Variants in NTNG1 observed in about 807,000 individuals in gnomAD.
NTNG1 encodes the protein netrin-G1.
A neutral mutation model predicts 54.0 loss-of-function variants in NTNG1; 16 were observed. The observed-to-expected ratio is 0.30, with a 90% CI of 0.20 to 0.45. The LOEUF (loss-of-function observed/expected upper bound fraction) is 0.45, where lower values mean the gene tolerates loss of function less well. Ranked by LOEUF, NTNG1 falls within the 20% of genes least tolerant of loss-of-function variation. The pLI is 1.00. For missense variants in NTNG1, 530 were observed against 678.7 expected, an observed-to-expected ratio of 0.78 and a Z score of 2.43; for synonymous variants, 255 against 263.1, an observed-to-expected ratio of 0.97 and a Z score of 0.30.
intron 2 of NTNG1, among the ~76,000 whole-genome samples, chr1:107,271,704 C>G (rs1664154992): frequency 1.3e-5 from 2 of 151,970 alleles, no homozygotes; most frequent in African/African-American, 4.8e-5. Flanking sequence ...GTTGACTTTT[C>G]CAAATCTGGT....
At chr1:107,384,334 A>T (rs989001530) in intron 3 of NTNG1, among the ~76,000 whole-genome samples, 4 of 152,188 alleles carry the variant, frequency 2.6e-5, no homozygotes, top group Admixed American at 6.5e-5. Flanking sequence ...GGAATTTTAG[A>T]TAATTTTTTT....
At chr1:107,355,694 A>G (rs1419337816) in intron 3 of NTNG1, among the ~76,000 whole-genome samples, 1 of 152,184 alleles carries the variant, frequency 6.6e-6, no homozygotes, top group East Asian at 1.9e-4. Flanking sequence ...ATATAAACAG[A>G]CACACACTAA....
At chr1:107,454,061 T>G (rs1466879129) in intron 7 of NTNG1, among the ~76,000 whole-genome samples, 2 of 152,106 alleles carry the variant, frequency 1.3e-5, no homozygotes, top group Non-Finnish European at 2.9e-5. Flanking sequence ...GAACTTGCAG[T>G]GTTCTAATAT....
chr1:107,287,510 G>A (rs1400454056), intron 2 of NTNG1, among the ~76,000 whole-genome samples: 1 of 152,186 alleles, frequency 6.6e-6, no homozygotes, highest in Non-Finnish European at 1.5e-5. Flanking sequence ...CTACTCAGGA[G>A]ACTGAGGCGG....
Position 107,287,080 on chromosome 1 carries a change from T to G in NTNG1, c.247-37202T>G, listed in dbSNP as rs7547809. The stretch of plus-strand genomic sequence containing the variant: ...ATTTTGAAGGCTCATTTTTCTTTCA[T>G]ATGTAGTATACCTATTGATATAAAG... On this transcript the variant is annotated intron_variant, in intron 2 of 7. Coordinates refer to ENST00000370068, the MANE Select transcript of NTNG1 (RefSeq NM_001113226.3). Among the ~76,000 whole-genome samples the G allele has an allele frequency of 3.5e-4, 53 of 152,246 alleles. No homozygotes were observed. In the East Asian group the frequency reaches 9.7e-3, roughly 28 times the overall value.
At chr1:107,316,658 A>C (rs1667355470) in intron 2 of NTNG1, among the ~76,000 whole-genome samples, 1 of 152,162 alleles carries the variant, frequency 6.6e-6, no homozygotes, top group Admixed American at 6.5e-5. Context: ...GATGAAACTG[A>C]TGCTCCAGGA....
intron 3 of NTNG1, among the ~76,000 whole-genome samples, chr1:107,382,521 A>G (rs1332411090): frequency 1.3e-5 from 2 of 152,240 alleles, no homozygotes; most frequent in South Asian, 2.1e-4. Flanking sequence ...CATTGACTAT[A>G]ATTATGACAG....
chr1:107,426,298 T>C (rs567404898), intron 5 of NTNG1, among the ~76,000 whole-genome samples: 1 of 152,116 alleles, frequency 6.6e-6, no homozygotes, highest in Non-Finnish European at 1.5e-5. Flanking sequence ...ATTTCTATGG[T>C]TTCAGGTCTT....
intron 7 of NTNG1, among the ~76,000 whole-genome samples, chr1:107,468,013 A>G (rs1215906281): frequency 3.3e-5 from 5 of 152,272 alleles, no homozygotes; most frequent in African/African-American, 1.2e-4. Flanking sequence ...TCATCCTGAC[A>G]TTATAAAATC....
intron 5 of NTNG1, among the ~76,000 whole-genome samples, chr1:107,425,372 C>T (rs1674834850): frequency 6.6e-6 from 1 of 151,900 alleles, no homozygotes; most frequent in Non-Finnish European, 1.5e-5. Context: ...TCTATTTTTT[C>T]CATCTTTATG....
intron 3 of NTNG1, among the ~76,000 whole-genome samples, chr1:107,382,767 C>A (rs1262005288): frequency 4.5e-5 from 6 of 133,324 alleles, no homozygotes; most frequent in Non-Finnish European, 1.1e-4. Context: ...CCCTTTTCCT[C>A]TCTCTCTCTC....
intron 2 of NTNG1, among the ~76,000 whole-genome samples, chr1:107,201,783 T>C (rs1408490130): frequency 6.6e-6 from 1 of 151,892 alleles, no homozygotes; most frequent in African/African-American, 2.4e-5. Flanking sequence ...CACACAGATA[T>C]TTCTTCAGGC....
At chr1:107,280,115 A>T (rs1368985405) in intron 2 of NTNG1, among the ~76,000 whole-genome samples, 10 of 109,624 alleles carry the variant, frequency 9.1e-5, no homozygotes, top group African/African-American at 1.1e-4. Flanking sequence ...TAACTTTTTA[A>T]TTTATATCTC....
At chr1:107,149,637 T>G (rs536634292) in intron 2 of NTNG1, among the ~76,000 whole-genome samples, 45 of 152,120 alleles carry the variant, frequency 3.0e-4, no homozygotes, top group Non-Finnish European at 6.2e-4. Flanking sequence ...AAGGTAATAT[T>G]GGAGTAACAC....
intron 5 of NTNG1, among the ~76,000 whole-genome samples, chr1:107,411,625 C>A (rs1337236162): frequency 3.3e-5 from 5 of 151,984 alleles, no homozygotes; most frequent in Non-Finnish European, 7.4e-5. Context: ...CTTCTAAATC[C>A]CCCAAATAAA....
intron 2 of NTNG1, among the ~76,000 whole-genome samples, chr1:107,191,823 T>G (rs1297983070): frequency 4.7e-5 from 7 of 150,322 alleles, no homozygotes; most frequent in African/African-American, 1.7e-4. Flanking sequence ...CTGTTTTGGT[T>G]ACTGTAGCCT....
chr1:107,373,386 T>C (rs562659560), intron 3 of NTNG1, among the ~76,000 whole-genome samples: 1 of 152,170 alleles, frequency 6.6e-6, no homozygotes, highest in South Asian at 2.1e-4. Context: ...CTCTCAGACT[T>C]TATGATTTTG....
intron 2 of NTNG1, among the ~76,000 whole-genome samples, chr1:107,304,349 C>T (rs1477354176): frequency 1.3e-5 from 2 of 152,052 alleles, no homozygotes; most frequent in Non-Finnish European, 2.9e-5. Flanking sequence ...TATATAGTAA[C>T]TCAAATTTGA....
intron 2 of NTNG1, among the ~76,000 whole-genome samples, chr1:107,244,648 T>TACA (rs1210776118): frequency 6.6e-6 from 1 of 152,238 alleles, no homozygotes; most frequent in Admixed American, 6.5e-5. Context: ...TTTCTCTGTG[T>TACA]CTCCCTCTTC....
Sources: gnomAD v4.1 joint callset for allele counts (sites outside exome capture counted in the v4.1 genomes callset) on GRCh38, gnomAD v4.1.1 for gene constraint, MANE v1.5 for transcripts, NCBI Gene and HGNC (gene_info 2026-07-23, HGNC 2026-07-21) for gene names.